The following NEDD4L variants were observed in gnomAD, a reference collection of about 807,000 sequenced individuals.
NEDD4L encodes the protein NEDD4 like E3 ubiquitin protein ligase, also known as E3 ubiquitin-protein ligase NEDD4-like.
A neutral mutation model predicts 148.9 loss-of-function variants in NEDD4L; 54 were observed. That is an observed-to-expected ratio of 0.36 (90% confidence interval 0.29 to 0.45). The LOEUF (loss-of-function observed/expected upper bound fraction) is 0.45, where lower values mean the gene tolerates loss of function less well. NEDD4L is among the 20% of genes least tolerant of loss of function. NEDD4L has a pLI of 1.00. For missense variants in NEDD4L, 856 were observed against 1,233.8 expected, an observed-to-expected ratio of 0.69 and a Z score of 4.59; for synonymous variants, 433 against 440.7, an observed-to-expected ratio of 0.98 and a Z score of 0.22.
intron 2 of NEDD4L, among the ~76,000 whole-genome samples, chr18:58,174,118 C>T (rs141748964): frequency 8.6e-4 from 131 of 151,504 alleles, no homozygotes; most frequent in African/African-American, 3.1e-3. Context: ...ATATGCTGGA[C>T]ATTGAGGGTG....
At chr18:58,378,590 C>T (rs574222212) in intron 24 of NEDD4L, among the ~76,000 whole-genome samples, 3 of 152,252 alleles carry the variant, frequency 2.0e-5, no homozygotes, top group Admixed American at 6.5e-5. Flanking sequence ...TCCCTGCTGT[C>T]GGTAGTTGCG....
chr18:58,087,650 G>A (rs1040169622), intron 1 of NEDD4L, among the ~76,000 whole-genome samples: 1 of 152,022 alleles, frequency 6.6e-6, no homozygotes, highest in African/African-American at 2.4e-5. Flanking sequence ...CGAGGCGGGC[G>A]GATCACCTGA....
intron 5 of NEDD4L, among the ~76,000 whole-genome samples, chr18:58,292,883 G>C (rs1156926813): frequency 6.6e-6 from 1 of 152,198 alleles, no homozygotes; most frequent in East Asian, 1.9e-4. Flanking sequence ...AGTCAGTCTG[G>C]AAAGTGATAC....
chr18:58,389,290 C>G (rs1251969533), intron 28 of NEDD4L, 98 bp downstream of exon 28: 1 of 867,836 alleles, frequency 1.2e-6, no homozygotes. Flanking sequence ...AGGACTGATG[C>G]TGGCTTTGGG....
chr18:58,193,389 T>G lies in NEDD4L; in HGVS notation c.122+27528T>G, dbSNP rs1186411679. Among the ~76,000 whole-genome samples the G allele has an allele frequency of 2.0e-5, 3 of 152,236 alleles. No individual in the cohort carries two copies. The East Asian group carries it at 5.8e-4, about 29-fold the overall frequency. On this transcript the variant is annotated intron_variant, in intron 2 of 30. Coordinates refer to ENST00000400345, the MANE Select transcript of NEDD4L (RefSeq NM_001144967.3). ...AAAGAGGCACCCTCTCCTGTCATAC[T>G]GCAAACAGATGCCACTACTACGTGT...
chr18:58,133,143 A>G (rs1029311663), intron 1 of NEDD4L, among the ~76,000 whole-genome samples: 2 of 152,204 alleles, frequency 1.3e-5, no homozygotes, highest in African/African-American at 4.8e-5. Flanking sequence ...ACAGCTGGGA[A>G]TTGGATGTCT....
chr18:58,383,823 C>T (rs2048660833), intron 25 of NEDD4L, among the ~76,000 whole-genome samples: 5 of 152,230 alleles, frequency 3.3e-5, no homozygotes, highest in Admixed American at 2.6e-4. Flanking sequence ...CAACTTCAGC[C>T]TCAGTGGAAC....
intron 1 of NEDD4L, among the ~76,000 whole-genome samples, chr18:58,148,798 A>T (rs1432567417): frequency 6.6e-6 from 1 of 152,142 alleles, no homozygotes; most frequent in Non-Finnish European, 1.5e-5. Context: ...TACCCATAAC[A>T]CCAATGTCAT....
At position 58,093,927 on chromosome 18, in the gene NEDD4L, G is replaced by T. The variant is rs372783129; in HGVS notation, c.48+49219G>T. Among the ~76,000 whole-genome samples, 28 of 152,118 alleles carry T rather than the reference G, an allele frequency of 1.8e-4. No homozygotes were observed. The East Asian group carries it at 5.4e-3, about 29-fold the overall frequency. On this transcript the variant is annotated intron_variant, in intron 1 of 30. Coordinates refer to ENST00000400345, the MANE Select transcript of NEDD4L (RefSeq NM_001144967.3). ...ACTGAATGCTAGAGCAAGACATGCA[G>T]TCCCAGCTCCAGGGGCTTCCAGAGT...
Position 58,204,164 on chromosome 18 carries a change from C to T in NEDD4L, c.122+38303C>T, listed in dbSNP as rs184602785. On this transcript the variant is annotated intron_variant, in intron 2 of 30. Transcript: ENST00000400345. ...CAACATGGTGAGACCCCCGTCTCTACTAAAAGTACAAAAATTACCCAGACG... is the reference window on the plus strand; with the variant it reads ...CAACATGGTGAGACCCCCGTCTCTATTAAAAGTACAAAAATTACCCAGACG... Among the ~76,000 whole-genome samples the T allele has an allele frequency of 7.1e-4, 108 of 152,242 alleles. 1 individual carries two copies. In the East Asian group the frequency reaches 0.019, roughly 26 times the overall value.
intron 2 of NEDD4L, among the ~76,000 whole-genome samples, chr18:58,220,104 C>T (rs2043573045): frequency 6.6e-6 from 1 of 152,138 alleles, no homozygotes; most frequent in Non-Finnish European, 1.5e-5. Context: ...TGAGATGTTC[C>T]TCTTGTTTTA....
At chr18:58,162,531 G>T (rs1412727903) in intron 1 of NEDD4L, among the ~76,000 whole-genome samples, 1 of 151,312 alleles carries the variant, frequency 6.6e-6, no homozygotes, top group Non-Finnish European at 1.5e-5. Flanking sequence ...CTACTCAGTT[G>T]CTTTATTTAA....
intron 17 of NEDD4L, among the ~76,000 whole-genome samples, chr18:58,350,746 A>G (rs1279756111): frequency 6.6e-6 from 1 of 152,218 alleles, no homozygotes; most frequent in African/African-American, 2.4e-5. Flanking sequence ...CTTTTGAGCT[A>G]GCAGCCCATT....
chr18:58,308,405 C>G (rs2057304694), intron 5 of NEDD4L, among the ~76,000 whole-genome samples: 2 of 152,198 alleles, frequency 1.3e-5, no homozygotes, highest in Non-Finnish European at 2.9e-5. Flanking sequence ...ATTTGTGCAG[C>G]TGGACAGCTT....
chr18:58,160,055 C>G (rs891958416), intron 1 of NEDD4L, among the ~76,000 whole-genome samples: 1 of 152,172 alleles, frequency 6.6e-6, no homozygotes, highest in Non-Finnish European at 1.5e-5. Flanking sequence ...TAACAAGTTA[C>G]CTCCTTAAGA....
intron 2 of NEDD4L, among the ~76,000 whole-genome samples, chr18:58,199,044 G>T (rs773064659): frequency 4.6e-5 from 7 of 152,082 alleles, no homozygotes; most frequent in Non-Finnish European, 8.8e-5. Flanking sequence ...CGCCTGCCTC[G>T]GTCTCCCAAA....
rs573118428 is a variant in NEDD4L at position 58,169,380 on chromosome 18, C to T, written c.122+3519C>T. 4.6e-5 allele frequency among the ~76,000 whole-genome samples: 7 copies of T among 152,266 alleles called. No homozygotes were observed. The South Asian group carries it at 1.5e-3, about 32-fold the overall frequency. On this transcript the variant is annotated intron_variant, in intron 2 of 30. Coordinates refer to ENST00000400345, the MANE Select transcript of NEDD4L (RefSeq NM_001144967.3). ...AAAAAAGGGCAGTCATATAATCTGTCATCTAAACTGGGACGCTTTTGTCTG... is the reference window on the plus strand; with the variant it reads ...AAAAAAGGGCAGTCATATAATCTGTTATCTAAACTGGGACGCTTTTGTCTG...
chr18:58,313,076 A>G (rs913415736), intron 5 of NEDD4L, among the ~76,000 whole-genome samples: 2 of 152,222 alleles, frequency 1.3e-5, no homozygotes, highest in Admixed American at 1.3e-4. Flanking sequence ...TTTGAAACCT[A>G]GATCTCTCAC....
intron 1 of NEDD4L, among the ~76,000 whole-genome samples, chr18:58,091,824 A>G (rs2084089697): frequency 6.6e-6 from 1 of 152,190 alleles, no homozygotes; most frequent in Non-Finnish European, 1.5e-5. Flanking sequence ...ATGCACATGT[A>G]ATAGCATTAT....
Sources: allele counts gnomAD v4.1 joint callset (sites outside exome capture counted in the v4.1 genomes callset), GRCh38; gene constraint gnomAD v4.1.1; transcripts MANE v1.5; gene names NCBI Gene and HGNC (gene_info 2026-07-23, HGNC 2026-07-21).